Variants in NOL4 observed in about 807,000 individuals in gnomAD.
NOL4 encodes nucleolar protein 4, also known as cancer/testis antigen 125.
A neutral mutation model predicts 75.9 loss-of-function variants in NOL4; 17 were observed. The ratio of observed to expected loss-of-function variants is 0.22; its 90% CI spans 0.15 to 0.34. The LOEUF is 0.34. Ranked by LOEUF, NOL4 falls within the 10% of genes least tolerant of loss-of-function variation. The probability of loss-of-function intolerance (pLI) is 1.00; values close to 1 mark genes in which losing one functional copy is unlikely to be tolerated. For synonymous variants in NOL4, 292 were observed against 289.9 expected (o/e 1.01, Z -0.07); for missense variants, 614 against 793.5 (o/e 0.77, Z 2.72).
chr18:34,092,409 CA>C (rs1163844524), intron 5 of NOL4, among the ~76,000 whole-genome samples: 2 of 152,042 alleles, frequency 1.3e-5, no homozygotes, highest in African/African-American at 4.8e-5. Flanking sequence ...ACAAGGACAC[CA>C]GCATCTTTTA....
chr18:34,206,043 T>C (rs1225513898), intron 1 of NOL4, among the ~76,000 whole-genome samples: 3 of 152,212 alleles, frequency 2.0e-5, no homozygotes, highest in Non-Finnish European at 4.4e-5. Flanking sequence ...TACATTATCA[T>C]TTTATTCACG....
In NOL4 at chr18:34,223,123, T is replaced by A. The variant is rs548912172; in HGVS notation, c.131A>T (p.Glu44Val). ...TTTGGCGTTGTCCGTGGAGCTCGAC[T>A]CGGAGCCATTGAGGAGCTGGACGAT... ...ERIVQLLNGS[E>V]SSSTDNAKFK... The change falls in exon 1 of 11, where the codon GAG becomes GTG. Residue 44 changes from glutamate (E) to valine (V), a missense_variant. Physicochemically the swap from Glu to Val is moderately radical, Grantham distance 121. This residue lies in a region of NOL4 where 35 missense variants were observed against 29.2 expected (regional missense o/e 1.20). Transcript: ENST00000261592. The A allele has an allele frequency of 3.1e-6, 5 of 1,614,196 alleles. No individual in the cohort carries two copies. The African/African-American group carries it at 4.0e-5, about 13-fold the overall frequency.
At chr18:33,988,440 C>G (rs886416745) in intron 6 of NOL4, among the ~76,000 whole-genome samples, 8 of 151,920 alleles carry the variant, frequency 5.3e-5, no homozygotes, top group Non-Finnish European at 1.2e-4. Flanking sequence ...ATTACTCAAC[C>G]CAGGAAATGG....
intron 5 of NOL4, among the ~76,000 whole-genome samples, chr18:34,024,194 A>AATATATATATATATATAT (rs1555696185): frequency 2.8e-5 from 2 of 70,688 alleles, no homozygotes; most frequent in Admixed American, 1.3e-4. Flanking sequence ...AAAAAAAAAA[A>AATATATATATATATATAT]ATATATATAT....
intron 9 of NOL4, 86 bp downstream of exon 9, chr18:33,942,979 G>C (rs928428910): frequency 1.1e-6 from 1 of 889,068 alleles, no homozygotes; most frequent in African/African-American, 1.7e-5. Flanking sequence ...ATCCATTCAA[G>C]AGCTTTTACT....
chr18:34,121,590 A>T (rs2080144332), intron 2 of NOL4, among the ~76,000 whole-genome samples: 1 of 152,218 alleles, frequency 6.6e-6, no homozygotes, highest in East Asian at 1.9e-4. Flanking sequence ...TAATTTGCAT[A>T]TCGTTCATGT....
intron 5 of NOL4, among the ~76,000 whole-genome samples, chr18:34,087,235 G>C (rs959600984): frequency 1.8e-4 from 28 of 152,088 alleles, no homozygotes; most frequent in Admixed American, 9.2e-4. Flanking sequence ...CAGGAGGCCA[G>C]TTTAGCACAT....
At chr18:33,886,388 C>G (rs947447457) in intron 9 of NOL4, among the ~76,000 whole-genome samples, 1 of 151,294 alleles carries the variant, frequency 6.6e-6, no homozygotes, top group East Asian at 2.0e-4. Flanking sequence ...ATTAGCTGGG[C>G]GTGGTGGTGG....
chr18:34,209,337 A>T (rs979169089), intron 1 of NOL4, among the ~76,000 whole-genome samples: 1 of 152,124 alleles, frequency 6.6e-6, no homozygotes, highest in African/African-American at 2.4e-5. Flanking sequence ...TAATTTTGAT[A>T]AAAAACAGCA....
intron 1 of NOL4, among the ~76,000 whole-genome samples, chr18:34,132,736 C>CAAAAAAAAAAAAAA (rs35140600): frequency 1.9e-5 from 2 of 106,632 alleles, no homozygotes; most frequent in Non-Finnish European, 2.0e-5. Context: ...TTCAAAAACG[C>CAAAAAAAAAAAAAA]AAAAAAAAAA....
At chr18:34,197,671 C>G (rs2035429958) in intron 1 of NOL4, among the ~76,000 whole-genome samples, 1 of 151,764 alleles carries the variant, frequency 6.6e-6, no homozygotes, top group South Asian at 2.1e-4. Flanking sequence ...GAGATGAGAC[C>G]TGAAGGATGT....
chr18:34,207,988 C>T (rs1002478289), intron 1 of NOL4, among the ~76,000 whole-genome samples: 3 of 152,172 alleles, frequency 2.0e-5, no homozygotes, highest in African/African-American at 7.2e-5. Context: ...ATGGTGATCC[C>T]TCCACATTCT....
At chr18:34,160,511 C>A (rs968299772) in intron 1 of NOL4, among the ~76,000 whole-genome samples, 1 of 152,008 alleles carries the variant, frequency 6.6e-6, no homozygotes, top group Non-Finnish European at 1.5e-5. Context: ...TGTTAGCTAA[C>A]TAGCACCTAT....
chr18:34,119,185 T>C (rs762430624), intron 2 of NOL4, among the ~76,000 whole-genome samples: 6 of 152,218 alleles, frequency 3.9e-5, no homozygotes, highest in Non-Finnish European at 5.9e-5. Context: ...AAATTTGTAA[T>C]CACTGTATCT....
intron 9 of NOL4, among the ~76,000 whole-genome samples, chr18:33,939,038 TTTCCTC>T (rs1186605308): frequency 6.6e-6 from 1 of 152,200 alleles, no homozygotes. Context: ...TAGGGAATCC[TTTCCTC>T]ATTGCTTGTT....
At chr18:34,006,378 A>G (rs1215359900) in intron 6 of NOL4, among the ~76,000 whole-genome samples, 2 of 152,006 alleles carry the variant, frequency 1.3e-5, no homozygotes, top group African/African-American at 4.8e-5. Context: ...CAATTGGTAA[A>G]CAGAGTAAAA....
chr18:34,171,123 G>A (rs2032993480), intron 1 of NOL4, among the ~76,000 whole-genome samples: 1 of 152,034 alleles, frequency 6.6e-6, no homozygotes, highest in South Asian at 2.1e-4. Context: ...TATAACTGTA[G>A]TTTACCAGAT....
chr18:33,874,257 A>C (rs1479356697), intron 10 of NOL4, among the ~76,000 whole-genome samples: 1 of 151,894 alleles, frequency 6.6e-6, no homozygotes, highest in Admixed American at 6.6e-5. Context: ...GTACAAAAGA[A>C]ATTCTAGAAA....
rs1457876781 is a variant in NOL4, at chr18:34,214,688, G to C, written c.264+8302C>G. Among the ~76,000 whole-genome samples the C allele has an allele frequency of 4.6e-5, 7 of 152,222 alleles. 1 individual carries two copies. The East Asian group carries it at 9.6e-4, about 21-fold the overall frequency. On this transcript the variant is annotated intron_variant, in intron 1 of 10. Transcript: ENST00000261592. ...TACATATCCAGAAAAATTGAAAGTA[G>C]GGTTTTGAGGAGATATCTGCCCACT... is the stretch of plus-strand genomic sequence containing the variant.
Sources: gnomAD v4.1 joint callset for allele counts (sites outside exome capture counted in the v4.1 genomes callset) on GRCh38, gnomAD v4.1.1 for gene constraint, gnomAD v4.1.1 regional missense constraint, MANE v1.5 for transcripts, NCBI Gene and HGNC (gene_info 2026-07-23, HGNC 2026-07-21) for gene names.